CDC14A: variants seen among roughly 807,000 people sequenced by gnomAD.
CDC14A encodes the protein dual specificity protein phosphatase CDC14A.
A neutral mutation model predicts 74.4 loss-of-function variants in CDC14A; 53 were observed. That is an observed-to-expected ratio of 0.71 (90% CI 0.57 to 0.89). The LOEUF is 0.89. CDC14A is among the 40% of genes least tolerant of loss of function. The pLI, the probability that CDC14A is intolerant of heterozygous loss-of-function variation, is 0.00. For synonymous variants in CDC14A, 247 were observed against 258.4 expected, an observed-to-expected ratio of 0.96 and a Z score of 0.43; for missense variants, 646 against 713.7, an observed-to-expected ratio of 0.91 and a Z score of 1.08.
intron 2 of CDC14A, among the ~76,000 whole-genome samples, chr1:100,372,261 G>T (rs1315710434): frequency 6.6e-6 from 1 of 152,220 alleles, no homozygotes; most frequent in African/African-American, 2.4e-5. Flanking sequence ...GTTGCTGAAG[G>T]TTGGGGTGGC....
rs1191764618 is a variant in CDC14A at position 100,474,609 on chromosome 1, G to T, written c.977+6515G>T. 3.4e-5 allele frequency among the ~76,000 whole-genome samples: 5 copies of T among 146,278 alleles called. No homozygotes were observed. The South Asian group carries it at 8.6e-4, about 25-fold the overall frequency. ...TGTCAAAATTATGTTTGTGGAGTGT[G>T]TTTTTTTTTTTTAAAGTATTCCTTT... On this transcript the variant is annotated intron_variant, in intron 10 of 15. Transcript: ENST00000336454.
intron 7 of CDC14A, among the ~76,000 whole-genome samples, 176 bp from the exon 8 acceptor site, chr1:100,455,229 G>T (rs887274647): frequency 6.6e-6 from 1 of 152,104 alleles, no homozygotes; most frequent in African/African-American, 2.4e-5. Flanking sequence ...AAAGCGGATT[G>T]AATTCCTAAA....
At chr1:100,466,894 G>T (rs936556459) in intron 9 of CDC14A, among the ~76,000 whole-genome samples, 1 of 143,420 alleles carries the variant, frequency 7.0e-6, no homozygotes, top group Non-Finnish European at 1.5e-5. Flanking sequence ...AAAAAAAGAA[G>T]GGTTAATGGG....
In CDC14A at chr1:100,443,015, T is replaced by G; in HGVS notation, c.519+19T>G. ...TTATGAGGTTTGTACATTTAATTTTTTTTACAAAACATAATTTCATGTTGA... is the reference window on the plus strand; with the variant it reads ...TTATGAGGTTTGTACATTTAATTTTGTTTACAAAACATAATTTCATGTTGA... On this transcript the variant is annotated intron_variant, in intron 7 of 15. Transcript: ENST00000336454. The G allele has an allele frequency of 6.7e-7, 1 of 1,496,276 alleles. No individual in the cohort carries two copies. The highest frequency in any genetic ancestry group is 9.3e-7 in the Non-Finnish European group (1 of 1,076,546). The allele number at this position is 1,496,276 out of a possible 1,614,324, so 92.7% of individuals were successfully genotyped here.
chr1:100,477,041 G>A (rs1251450047), intron 10 of CDC14A, among the ~76,000 whole-genome samples: 1 of 152,126 alleles, frequency 6.6e-6, no homozygotes, highest in Admixed American at 6.5e-5. Flanking sequence ...CATAAGCCAA[G>A]GAATATGGGC....
At chr1:100,442,404 T>C (rs1199595349) in intron 6 of CDC14A, among the ~76,000 whole-genome samples, 2 of 146,966 alleles carry the variant, frequency 1.4e-5, no homozygotes, top group Non-Finnish European at 3.0e-5. Flanking sequence ...TATAAATATA[T>C]ATATTCTCTC....
chr1:100,478,245 A>G (rs917751271), intron 10 of CDC14A, among the ~76,000 whole-genome samples: 16 of 152,130 alleles, frequency 1.1e-4, no homozygotes, highest in Admixed American at 6.5e-4. Context: ...CTCTGGACTC[A>G]ATGTCCTCCG....
chr1:100,489,914 G>A (rs1670450478), intron 11 of CDC14A, among the ~76,000 whole-genome samples: 1 of 152,188 alleles, frequency 6.6e-6, no homozygotes. Flanking sequence ...GCATTTTGTA[G>A]GGAGATGGGC....
At chr1:100,346,883 A>T (rs941415009) in intron 1 of CDC14A, among the ~76,000 whole-genome samples, 2 of 152,324 alleles carry the variant, frequency 1.3e-5, no homozygotes, top group South Asian at 4.1e-4. Flanking sequence ...TGTTCACTAT[A>T]CCAGTATTTC....
chr1:100,467,259 C>G (rs557998548), intron 9 of CDC14A, among the ~76,000 whole-genome samples: 2 of 152,166 alleles, frequency 1.3e-5, no homozygotes, highest in East Asian at 3.9e-4. Flanking sequence ...GCTGTGTGCT[C>G]CCAATTACTG....
At chr1:100,488,985 C>CT (rs1449049695) in intron 11 of CDC14A, among the ~76,000 whole-genome samples, 1 of 152,152 alleles carries the variant, frequency 6.6e-6, no homozygotes, top group Non-Finnish European at 1.5e-5. Flanking sequence ...TCATATAGGG[C>CT]TGAGGGTGGA....
intron 15 of CDC14A, among the ~76,000 whole-genome samples, chr1:100,505,481 C>T (rs1216026079): frequency 4.6e-5 from 7 of 152,152 alleles, no homozygotes; most frequent in Admixed American, 6.5e-5. Flanking sequence ...ATATTAGAAT[C>T]TAGCTTTATA....
chr1:100,425,301 A>G (rs1187506431), intron 5 of CDC14A, among the ~76,000 whole-genome samples: 1 of 152,136 alleles, frequency 6.6e-6, no homozygotes, highest in Non-Finnish European at 1.5e-5. Flanking sequence ...ATCTGCAAGC[A>G]TGTGTATTGC....
intron 15 of CDC14A, among the ~76,000 whole-genome samples, chr1:100,515,210 C>T (rs1419673891): frequency 3.9e-5 from 6 of 152,062 alleles, no homozygotes; most frequent in African/African-American, 1.4e-4. Flanking sequence ...CCAGAGAGAC[C>T]GTCAGCACAA....
intron 9 of CDC14A, 80 bp from the exon 10 acceptor site, chr1:100,467,876 T>C: frequency 7.3e-7 from 1 of 1,366,010 alleles, no homozygotes; most frequent in South Asian, 1.5e-5. Context: ...GAGCAGTTTC[T>C]GGGCAAGGTT....
chr1:100,457,527 T>G lies in CDC14A; in HGVS notation c.607+2035T>G, dbSNP rs1057318861. On this transcript the variant is annotated intron_variant, in intron 8 of 15. Coordinates refer to ENST00000336454, the MANE Select transcript of CDC14A (RefSeq NM_003672.4). ...AAGCTGGAGTGCAATGGTGTGATCA[T>G]AGCTCATTGCAACCTTGAACTCCTG... Among the ~76,000 whole-genome samples the G allele has an allele frequency of 3.7e-4, 57 of 152,148 alleles. 1 individual carries two copies. Among genetic ancestry groups the G allele is most frequent in the Admixed American group, 4.6e-4 (7 of 15,270 alleles).
rs890950445 is a variant in CDC14A at position 100,518,376 on chromosome 1, A to G, written c.*96A>G. The G allele has an allele frequency of 3.1e-6, 3 of 955,698 alleles. No individual in the cohort carries two copies. The highest frequency in any genetic ancestry group is 2.4e-5 in the East Asian group (1 of 41,522). 59.2% of individuals were successfully genotyped at this position (955,698 alleles called of 1,614,324 possible). ...GGGAAAGCAACTTCTTGCTGGAAGA[A>G]TATCTCTGCCTTCTTACCTTAAATT... On this transcript the variant is annotated 3_prime_UTR_variant, in exon 16 of 16. Coordinates refer to ENST00000336454, the MANE Select transcript of CDC14A (RefSeq NM_003672.4).
chr1:100,491,572 A>ATTTTT lies in CDC14A; in HGVS notation c.1138-3227_1138-3223dup, dbSNP rs59429516. Among the ~76,000 whole-genome samples, 150 of 25,102 alleles carry ATTTTT rather than the reference A, an allele frequency of 6.0e-3. 13 individuals carry two copies. Among genetic ancestry groups the ATTTTT allele is most frequent in the Non-Finnish European group, 7.3e-3 (103 of 14,064 alleles). 16.5% of individuals were successfully genotyped at this position (25,102 alleles called of 152,430 possible). On this transcript the variant is annotated intron_variant, in intron 11 of 15. Transcript: ENST00000336454. ...TCTATATATATATATATATATATAT[A>ATTTTT]TTTTTTTTTTTTTTTTTTTTTTTGA... is the stretch of plus-strand genomic sequence containing the variant.
At chr1:100,349,489 G>C (rs761224674), upstream of CDC14A, among the ~76,000 whole-genome samples, 2 of 152,322 alleles carry the variant, frequency 1.3e-5, no homozygotes, top group African/African-American at 4.8e-5. Context: ...ATAACTGAGA[G>C]AATAAAGTGT....
Sources: gnomAD v4.1 joint callset for allele counts (sites outside exome capture counted in the v4.1 genomes callset) on GRCh38, gnomAD v4.1.1 for gene constraint, MANE v1.5 for transcripts, NCBI Gene and HGNC (gene_info 2026-07-23, HGNC 2026-07-21) for gene names.